PTPRN2: variants seen among roughly 807,000 people sequenced by gnomAD.
PTPRN2 encodes the protein protein tyrosine phosphatase receptor type N2, also known as receptor-type tyrosine-protein phosphatase N2.
Under a neutral mutation model 118.8 loss-of-function variants are expected in PTPRN2, and 74 were observed. The observed-to-expected ratio is 0.62, with a 90% CI of 0.52 to 0.76. The LOEUF (loss-of-function observed/expected upper bound fraction) is 0.76. Among genes scored for constraint, PTPRN2 ranks in the 30% least tolerant of loss-of-function variants. PTPRN2 has a pLI of 0.00. For synonymous variants in PTPRN2, 641 were observed against 608.0 expected (o/e 1.05, Z -0.80); for missense variants, 1,481 against 1,394.4 (o/e 1.06, Z -0.99).
intron 12 of PTPRN2, among the ~76,000 whole-genome samples, chr7:157,767,571 G>A (rs560646387): frequency 2.0e-5 from 3 of 152,378 alleles, no homozygotes; most frequent in South Asian, 4.1e-4. Flanking sequence ...CATTGGGGAA[G>A]TGAGTGCCCA....
chr7:158,569,361 G>A (rs571397765), intron 1 of PTPRN2, among the ~76,000 whole-genome samples: 40 of 152,340 alleles, frequency 2.6e-4, no homozygotes, highest in African/African-American at 9.1e-4. Context: ...ACCACTGAGC[G>A]ACCTCGAAAA....
chr7:157,909,405 G>A (rs923094597), intron 11 of PTPRN2, among the ~76,000 whole-genome samples: 7 of 152,294 alleles, frequency 4.6e-5, no homozygotes, highest in African/African-American at 1.7e-4. Flanking sequence ...GAGGATGCTG[G>A]CCACTCAACA....
At chr7:158,312,760 CAT>C (rs1315716047) in intron 3 of PTPRN2, among the ~76,000 whole-genome samples, 1 of 144,634 alleles carries the variant, frequency 6.9e-6, no homozygotes, top group Non-Finnish European at 1.5e-5. Flanking sequence ...TTCACGTGCT[CAT>C]GTGTAGATAC....
In PTPRN2 at chr7:158,565,393, G is replaced by C. The variant is rs2129451155; in HGVS notation, c.112+22165C>G. 6.6e-6 allele frequency among the ~76,000 whole-genome samples: 1 copy of C among 152,266 alleles called. No homozygotes were observed. The highest frequency in any genetic ancestry group is 6.5e-5 in the Admixed American group (1 of 15,298). On this transcript the variant is annotated intron_variant, in intron 1 of 22. Coordinates refer to ENST00000389418, the MANE Select transcript of PTPRN2 (RefSeq NM_002847.5). The surrounding 1 kb of genome is among the most constrained non-coding windows in gnomAD (Gnocchi z 4.6). ...CTCTCATCCTGAGAGGTGAGACAGA[G>C]CCAGCTCTGGGCTGTGGCTGGTCAT...
chr7:158,045,268 G>T (rs1808757126), intron 11 of PTPRN2, among the ~76,000 whole-genome samples: 1 of 152,208 alleles, frequency 6.6e-6, no homozygotes, highest in South Asian at 2.1e-4. Flanking sequence ...GTGAGGCTGA[G>T]CTAGCCCCTC....
At chr7:158,160,754 T>C (rs1298522230) in intron 6 of PTPRN2, among the ~76,000 whole-genome samples, 1 of 152,212 alleles carries the variant, frequency 6.6e-6, no homozygotes, top group African/African-American at 2.4e-5. Flanking sequence ...CTTCCTGACC[T>C]ATGTCTTCAT....
At chr7:157,747,902 T>TGC (rs1411996508) in intron 12 of PTPRN2, among the ~76,000 whole-genome samples, 1 of 147,654 alleles carries the variant, frequency 6.8e-6, no homozygotes, top group Non-Finnish European at 1.5e-5. Flanking sequence ...TTCTGAGGCC[T>TGC]GCGTCCCTGA....
chr7:158,118,728 T>C (rs563519130), intron 9 of PTPRN2, among the ~76,000 whole-genome samples: 1 of 152,358 alleles, frequency 6.6e-6, no homozygotes, highest in East Asian at 1.9e-4. Context: ...CAATAATGTC[T>C]TCTTTTTTTG....
intron 2 of PTPRN2, among the ~76,000 whole-genome samples, chr7:158,410,305 G>A (rs967640478): frequency 2.0e-5 from 3 of 152,174 alleles, no homozygotes; most frequent in East Asian, 1.9e-4. Flanking sequence ...CTGTCATCCC[G>A]AAGGCAGGAG....
At chr7:157,941,422 A>C (rs1196507332) in intron 11 of PTPRN2, among the ~76,000 whole-genome samples, 4 of 116,084 alleles carry the variant, frequency 3.4e-5, no homozygotes, top group African/African-American at 3.5e-5. Context: ...ACCCTCCCCC[A>C]TGACACTGCA....
chr7:158,372,385 CTCCCCAATGCTGG>C (rs1238931995), intron 2 of PTPRN2, among the ~76,000 whole-genome samples: 1 of 149,070 alleles, frequency 6.7e-6, no homozygotes, highest in African/African-American at 2.5e-5. Context: ...CAGAGCTGGC[CTCCCCAATGCTGG>C]TCCCCAGAGC....
intron 12 of PTPRN2, among the ~76,000 whole-genome samples, chr7:157,772,672 C>A (rs970238229): frequency 5.3e-5 from 8 of 152,250 alleles, no homozygotes; most frequent in Non-Finnish European, 8.8e-5. Context: ...CCAGAGGACA[C>A]ACGAGGCTCT....
At chr7:158,446,245 G>A (rs932829107) in intron 2 of PTPRN2, among the ~76,000 whole-genome samples, 3 of 152,230 alleles carry the variant, frequency 2.0e-5, no homozygotes, top group Non-Finnish European at 4.4e-5. Context: ...GAATGTGTGA[G>A]AGACAGAGAA....
intron 11 of PTPRN2, among the ~76,000 whole-genome samples, chr7:157,920,393 G>A (rs963185484): frequency 1.2e-4 from 18 of 152,142 alleles, no homozygotes; most frequent in African/African-American, 3.6e-4. Context: ...AGCACCAAGC[G>A]CAGTTCACAG....
chr7:158,546,176 G>A lies in PTPRN2; in HGVS notation c.112+41382C>T, dbSNP rs1425838468. 6.6e-6 allele frequency among the ~76,000 whole-genome samples: 1 copy of A among 152,132 alleles called. No individual in the cohort carries two copies. Among genetic ancestry groups the A allele is most frequent in the African/African-American group, 2.4e-5 (1 of 41,418 alleles). ...AGCATGAGGACAGGAAGGGGGAAGG[G>A]GCTGGACACGGCCTGTCTCCTCCCT... On this transcript the variant is annotated intron_variant, in intron 1 of 22. Coordinates refer to ENST00000389418, the MANE Select transcript of PTPRN2 (RefSeq NM_002847.5). The surrounding 1 kb of genome is among the most constrained non-coding windows in gnomAD (Gnocchi z 5.0).
chr7:158,171,027 A>G (rs1385176782), intron 5 of PTPRN2, among the ~76,000 whole-genome samples: 1 of 145,228 alleles, frequency 6.9e-6, no homozygotes, highest in Non-Finnish European at 1.5e-5. Flanking sequence ...ATATATATAC[A>G]CATATATATA....
At position 157,941,333 on chromosome 7, in the gene PTPRN2, A is replaced by G. The variant is rs542445572; in HGVS notation, c.1724-42596T>C. 9.2e-5 allele frequency among the ~76,000 whole-genome samples: 8 copies of G among 87,294 alleles called. 2 individuals carry two copies. The highest frequency in any genetic ancestry group is 2.6e-4 in the Admixed American group (2 of 7,586). 57.3% of individuals were successfully genotyped at this position (87,294 alleles called of 152,430 possible). On this transcript the variant is annotated intron_variant, in intron 11 of 22. Transcript: ENST00000389418. ...CTGCAAATCTAACACCCTCCCCACCACGACACTGCAAATCTGACACCCTCC... is the reference window on the plus strand; with the variant it reads ...CTGCAAATCTAACACCCTCCCCACCGCGACACTGCAAATCTGACACCCTCC...
intron 2 of PTPRN2, among the ~76,000 whole-genome samples, chr7:158,446,207 G>A (rs1482080249): frequency 6.6e-6 from 1 of 152,192 alleles, no homozygotes; most frequent in East Asian, 1.9e-4. Flanking sequence ...AGAGGTTGAG[G>A]GACTGTTTAT....
intron 11 of PTPRN2, among the ~76,000 whole-genome samples, chr7:157,952,987 G>A (rs1585078139): frequency 6.6e-6 from 1 of 152,018 alleles, no homozygotes. Flanking sequence ...GCCTCCATTG[G>A]CCCACAGGGT....
Sources: allele counts gnomAD v4.1 joint callset (sites outside exome capture counted in the v4.1 genomes callset), GRCh38; gene constraint gnomAD v4.1.1; non-coding constraint Gnocchi (gnomAD v3.1); transcripts MANE v1.5; gene names NCBI Gene and HGNC (gene_info 2026-07-23, HGNC 2026-07-21).